The following POU6F2 variants were observed in gnomAD, a reference collection of about 807,000 sequenced individuals.
The protein encoded by POU6F2 is POU domain, class 6, transcription factor 2.
POU6F2 carries 31 observed loss-of-function variants against 71.3 expected under a neutral mutation model. The ratio of observed to expected loss-of-function variants is 0.43; its 90% CI spans 0.33 to 0.59. The LOEUF (loss-of-function observed/expected upper bound fraction) is 0.59. POU6F2 is among the 20% of genes least tolerant of loss of function. The probability of loss-of-function intolerance (pLI) is 0.04; values close to 1 mark genes in which losing one functional copy is unlikely to be tolerated. For missense variants in POU6F2, 783 were observed against 856.8 expected (o/e 0.91, Z 1.07); for synonymous variants, 347 against 355.7 (o/e 0.98, Z 0.27).
intron 1 of POU6F2, among the ~76,000 whole-genome samples, chr7:39,026,952 TCTC>T (rs139903374): frequency 6.6e-6 from 1 of 152,196 alleles, no homozygotes; most frequent in Non-Finnish European, 1.5e-5. Flanking sequence ...AAGTCAAGTG[TCTC>T]CTCTGATACT....
intron 5 of POU6F2, among the ~76,000 whole-genome samples, chr7:39,380,684 A>G (rs1169003943): frequency 6.6e-6 from 1 of 152,222 alleles, no homozygotes; most frequent in African/African-American, 2.4e-5. Context: ...ATCCATTTCT[A>G]TGATAAATAT....
chr7:39,076,736 C>T (rs1791010779), intron 1 of POU6F2, among the ~76,000 whole-genome samples: 1 of 152,166 alleles, frequency 6.6e-6, no homozygotes, highest in African/African-American at 2.4e-5. Flanking sequence ...CCCTATCTCC[C>T]TTTGAGGTCC....
intron 2 of POU6F2, among the ~76,000 whole-genome samples, chr7:39,122,402 C>G (rs1792060325): frequency 6.6e-6 from 1 of 152,184 alleles, no homozygotes. Flanking sequence ...TAAAGAAACT[C>G]AATTTTCCCA....
Position 39,137,012 on chromosome 7 carries a change from C to CA in POU6F2, c.277+51002dup, listed in dbSNP as rs11344179. On this transcript the variant is annotated intron_variant, in intron 2 of 9. Coordinates refer to ENST00000518318, the MANE Select transcript of POU6F2 (RefSeq NM_001370959.1). ...CCTGGGTGACAGAGTGAGACCCTGTCAAAAAAAAAAAAAAAAAAAAAGAGT... is the reference window on the plus strand; with the variant it reads ...CCTGGGTGACAGAGTGAGACCCTGTCAAAAAAAAAAAAAAAAAAAAAAGAGT... Among the ~76,000 whole-genome samples the CA allele has an allele frequency of 1.7e-3, 138 of 82,130 alleles. 1 individual carries two copies. Among genetic ancestry groups the CA allele is most frequent in the Middle Eastern group, 6.7e-3 (1 of 150 alleles). The allele number at this position is 82,130 out of a possible 152,430, so 53.9% of individuals were successfully genotyped here. A position where few individuals can be genotyped will look rare whatever the true frequency, so the allele number is the denominator to read the frequency against.
At position 39,085,146 on chromosome 7, in the gene POU6F2, T is replaced by C. The variant is rs995047572; in HGVS notation, c.106-714T>C. The stretch of plus-strand genomic sequence containing the variant: ...ACACAGTTTGTAAGTATTTTCCCAA[T>C]TCCTTAAAAAAAATTTAAATCAATT... On this transcript the variant is annotated intron_variant, in intron 1 of 9. Transcript: ENST00000518318. 5.3e-5 allele frequency: 8 copies of C among 152,150 alleles called. No homozygotes were observed. In the East Asian group the frequency reaches 1.5e-3, roughly 29 times the overall value. The allele number at this position is 152,150 out of a possible 1,614,324, so 9.4% of individuals were successfully genotyped here. A position where few individuals can be genotyped will look rare whatever the true frequency, so the allele number is the denominator to read the frequency against.
At chr7:39,143,715 T>C (rs1420671516) in intron 2 of POU6F2, among the ~76,000 whole-genome samples, 1 of 152,126 alleles carries the variant, frequency 6.6e-6, no homozygotes, top group East Asian at 1.9e-4. Context: ...TTGGGCCCAT[T>C]GCAGTCACCC....
At chr7:39,446,887 G>A (rs1403880662) in intron 7 of POU6F2, among the ~76,000 whole-genome samples, 2 of 152,238 alleles carry the variant, frequency 1.3e-5, no homozygotes, top group Non-Finnish European at 2.9e-5. Context: ...GGGCAAGAAA[G>A]TGATTATGTA....
At chr7:39,182,310 T>G (rs1262624294) in intron 2 of POU6F2, among the ~76,000 whole-genome samples, 2 of 152,200 alleles carry the variant, frequency 1.3e-5, no homozygotes, top group Non-Finnish European at 2.9e-5. Flanking sequence ...TTTTTCACAT[T>G]CCTCAAATGG....
At position 39,013,506 on chromosome 7, in the gene POU6F2, G is replaced by A. The variant is rs187815995; in HGVS notation, c.105+35448G>A. On this transcript the variant is annotated intron_variant, in intron 1 of 9. Transcript: ENST00000518318. ...CCGTCTTCTGCGTCGCTCACGCTGG[G>A]AGCTGTGGACTGGAGCTGTTCCTAT... The A allele has an allele frequency of 1.7e-4, 27 of 156,888 alleles. 2 individuals carry two copies. The East Asian group carries it at 5.1e-3, about 30-fold the overall frequency. The allele number at this position is 156,888 out of a possible 1,614,324, so 9.7% of individuals were successfully genotyped here.
At chr7:38,996,034 GCT>G (rs747648281) in intron 1 of POU6F2, among the ~76,000 whole-genome samples, 1 of 79,890 alleles carries the variant, frequency 1.3e-5, no homozygotes, top group Non-Finnish European at 2.4e-5. Context: ...AAGGGGCTTG[GCT>G]TTTTTTTTTT....
chr7:39,030,966 T>C (rs1328146301), intron 1 of POU6F2, among the ~76,000 whole-genome samples: 1 of 151,880 alleles, frequency 6.6e-6, no homozygotes, highest in East Asian at 1.9e-4. Flanking sequence ...AGTGGTGTGA[T>C]CTCGGCTCAC....
At chr7:39,087,352 C>G (rs1791275345) in intron 2 of POU6F2, among the ~76,000 whole-genome samples, 2 of 151,828 alleles carry the variant, frequency 1.3e-5, no homozygotes, top group Admixed American at 1.3e-4. Context: ...TCTCTGGGTA[C>G]AATACTGTTT....
intron 2 of POU6F2, among the ~76,000 whole-genome samples, chr7:39,088,331 A>G (rs1347931368): frequency 6.6e-6 from 1 of 152,122 alleles, no homozygotes; most frequent in African/African-American, 2.4e-5. Flanking sequence ...ACTTTTTAAT[A>G]TTACTGGGAC....
At chr7:39,127,934 C>T (rs1441511540) in intron 2 of POU6F2, among the ~76,000 whole-genome samples, 1 of 150,778 alleles carries the variant, frequency 6.6e-6, no homozygotes, top group African/African-American at 2.4e-5. Flanking sequence ...ACTCTGCCTC[C>T]CGGGTTCACG....
intron 4 of POU6F2, among the ~76,000 whole-genome samples, chr7:39,245,863 A>T (rs1783809887): frequency 6.6e-6 from 1 of 152,144 alleles, no homozygotes; most frequent in Non-Finnish European, 1.5e-5. Context: ...TGCTGCCCTC[A>T]CCACTATTTC....
intron 1 of POU6F2, among the ~76,000 whole-genome samples, chr7:39,023,136 A>G (rs753828339): frequency 2.0e-5 from 3 of 152,172 alleles, no homozygotes; most frequent in African/African-American, 4.8e-5. Flanking sequence ...TACTTTGTAT[A>G]TCTGTGTTTT....
chr7:38,993,840 G>A (rs75220844), intron 1 of POU6F2, among the ~76,000 whole-genome samples: 1 of 152,218 alleles, frequency 6.6e-6, no homozygotes, highest in East Asian at 1.9e-4. Context: ...CTGGTCCAAA[G>A]GAGTAACATG....
chr7:39,135,046 A>G (rs538123918), intron 2 of POU6F2, among the ~76,000 whole-genome samples: 1 of 152,310 alleles, frequency 6.6e-6, no homozygotes, highest in Non-Finnish European at 1.5e-5. Flanking sequence ...AAAATTCAGT[A>G]ACTTAGAGAA....
intron 2 of POU6F2, among the ~76,000 whole-genome samples, chr7:39,130,897 C>T (rs768550780): frequency 7.2e-5 from 11 of 152,160 alleles, no homozygotes; most frequent in Non-Finnish European, 1.5e-4. Context: ...GGCCTTTCGG[C>T]GTTCCCACCT....
Sources: allele counts gnomAD v4.1 joint callset (sites outside exome capture counted in the v4.1 genomes callset), GRCh38; gene constraint gnomAD v4.1.1; transcripts MANE v1.5; gene names NCBI Gene and HGNC (gene_info 2026-07-23, HGNC 2026-07-21).